The following USP25 variants were observed in gnomAD, a reference collection of about 807,000 sequenced individuals.
USP25 encodes ubiquitin specific peptidase 25, also known as ubiquitin carboxyl-terminal hydrolase 25.
Under a neutral mutation model 158.5 loss-of-function variants are expected in USP25, and 85 were observed. The observed-to-expected ratio is 0.54, with a 90% CI of 0.45 to 0.64. The LOEUF is 0.64. Among genes scored for constraint, USP25 ranks in the 30% least tolerant of loss-of-function variants. The probability of loss-of-function intolerance (pLI) is 0.00; values close to 1 mark genes in which losing one functional copy is unlikely to be tolerated. For missense variants in USP25, 1,242 were observed against 1,327.3 expected (o/e 0.94, Z 1.00); for synonymous variants, 464 against 460.4 (o/e 1.01, Z -0.10).
Position 15,730,363 on chromosome 21 carries a change from C to T in USP25, c.-31C>T. The T allele has an allele frequency of 2.4e-6, 2 of 846,382 alleles. No homozygotes were observed. Among genetic ancestry groups the T allele is most frequent in the Non-Finnish European group, 2.8e-6 (2 of 718,240 alleles). 52.4% of individuals were successfully genotyped at this position (846,382 alleles called of 1,614,324 possible). A position where few individuals can be genotyped will look rare whatever the true frequency, so the allele number is the denominator to read the frequency against. ...GGAGGCGCGAGGAGCCGGGCGCCAC[C>T]GCCGCCGCCGCCGCCGCCGCCGCGG... On this transcript the variant is annotated 5_prime_UTR_variant, in exon 1 of 26. Coordinates refer to ENST00000400183, the MANE Select transcript of USP25 (RefSeq NM_001283041.3).
At chr21:15,752,952 C>T (rs1299438453) in intron 1 of USP25, among the ~76,000 whole-genome samples, 1 of 152,178 alleles carries the variant, frequency 6.6e-6, no homozygotes, top group Non-Finnish European at 1.5e-5. Context: ...AACTTGAAAA[C>T]CAGGATTAGT....
chr21:15,734,575 T>C (rs890510210), intron 1 of USP25, among the ~76,000 whole-genome samples: 20 of 152,164 alleles, frequency 1.3e-4, no homozygotes, highest in African/African-American at 4.8e-4. Context: ...CTAATAAATA[T>C]TCTGTTGATT....
chr21:15,824,062 T>C lies in USP25; in HGVS notation c.1104T>C (p.Pro368=). ...GQEHWFTELP[P]VLTFELSRFE... is the part of the protein sequence containing the mutation. ...AGCATTGGTTTACTGAATTACCACC[T>C]GTGTTAACATTTGAATTGTCAAGAT... The change falls in exon 11 of 26, where the codon CCT becomes CCC. Residue 368 remains proline, a synonymous_variant. Transcript: ENST00000400183. The C allele has an allele frequency of 6.2e-7, 1 of 1,613,360 alleles. No individual in the cohort carries two copies. The highest frequency in any genetic ancestry group is 8.5e-7 in the Non-Finnish European group (1 of 1,179,630).
At chr21:15,851,873 A>G (rs1601128904) in intron 20 of USP25, among the ~76,000 whole-genome samples, 2 of 152,014 alleles carry the variant, frequency 1.3e-5, no homozygotes, top group East Asian at 3.9e-4. Flanking sequence ...TTTCACCATC[A>G]TTCTGGGGAT....
At chr21:15,845,502 T>G (rs933907849) in intron 18 of USP25, among the ~76,000 whole-genome samples, 1 of 152,152 alleles carries the variant, frequency 6.6e-6, no homozygotes, top group African/African-American at 2.4e-5. Context: ...TCTTCCCCCT[T>G]TCAGCTTTTA....
intron 8 of USP25, 86 bp downstream of exon 8, chr21:15,808,971 A>G (rs543097658): frequency 2.0e-6 from 2 of 985,516 alleles, no homozygotes; most frequent in African/African-American, 1.6e-5. Context: ...TAAGAAATCA[A>G]GACAGACTTA....
intron 20 of USP25, among the ~76,000 whole-genome samples, chr21:15,856,858 G>A (rs2039174651): frequency 6.6e-6 from 1 of 152,118 alleles, no homozygotes; most frequent in South Asian, 2.1e-4. Context: ...ATTTATCTCA[G>A]TATTTTTCCT....
intron 1 of USP25, among the ~76,000 whole-genome samples, chr21:15,732,678 T>G (rs907367477): frequency 6.6e-6 from 1 of 152,236 alleles, no homozygotes; most frequent in African/African-American, 2.4e-5. Context: ...TATTTAAAAT[T>G]TAAGTATTTA....
intron 10 of USP25, among the ~76,000 whole-genome samples, chr21:15,819,882 C>G (rs2037143746): frequency 6.6e-6 from 1 of 151,680 alleles, no homozygotes; most frequent in Non-Finnish European, 1.5e-5. Context: ...CATAAACAAA[C>G]AAAAATATGC....
intron 8 of USP25, among the ~76,000 whole-genome samples, chr21:15,809,731 C>G (rs563402716): frequency 6.6e-6 from 1 of 151,940 alleles, no homozygotes; most frequent in Admixed American, 6.6e-5. Context: ...TCACAATAGC[C>G]GAAAGGTGGA....
chr21:15,753,967 T>G (rs990247773), intron 1 of USP25, among the ~76,000 whole-genome samples: 1 of 152,072 alleles, frequency 6.6e-6, no homozygotes, highest in Admixed American at 6.5e-5. Flanking sequence ...AAATGTATGG[T>G]GAATAAAGGG....
intron 10 of USP25, 128 bp downstream of exon 10, chr21:15,818,974 A>T: frequency 8.6e-7 from 1 of 1,160,322 alleles, no homozygotes; most frequent in Non-Finnish European, 1.2e-6. Flanking sequence ...GTATGTTTGG[A>T]TTTAATTGGT....
intron 1 of USP25, among the ~76,000 whole-genome samples, chr21:15,735,982 A>ATGTG (rs901227357): frequency 4.2e-5 from 5 of 119,856 alleles, no homozygotes; most frequent in East Asian, 2.3e-4. Context: ...GTGTGTGTGT[A>ATGTG]TGTGTGTGTG....
intron 11 of USP25, among the ~76,000 whole-genome samples, chr21:15,824,372 AAG>A (rs1239114487): frequency 1.3e-5 from 2 of 152,358 alleles, no homozygotes; most frequent in African/African-American, 4.8e-5. Flanking sequence ...AAATTTAAAA[AAG>A]ATGAATTTTG....
intron 22 of USP25, among the ~76,000 whole-genome samples, chr21:15,867,610 T>A (rs1265333459): frequency 1.3e-5 from 2 of 152,180 alleles, no homozygotes; most frequent in African/African-American, 2.4e-5. Flanking sequence ...TAGTTTTTTT[T>A]ACCTTGAAAT....
chr21:15,872,014 G>GTTTTTTTTTTT (rs1158862222), intron 23 of USP25, among the ~76,000 whole-genome samples: 1 of 71,644 alleles, frequency 1.4e-5, no homozygotes, highest in African/African-American at 5.2e-5. Context: ...AAGAAATACT[G>GTTTTTTTTTTT]TTTTTTTTTT....
intron 19 of USP25, 23 bp downstream of exon 19, chr21:15,847,799 C>T (rs1475079818): frequency 6.9e-6 from 10 of 1,453,038 alleles, no homozygotes; most frequent in Non-Finnish European, 9.4e-6. Context: ...GCCCTCTGCA[C>T]CATTGCTACT....
rs2040196725 is a variant in USP25 at position 15,878,817 on chromosome 21, C to G, written c.*342C>G. The G allele has an allele frequency of 5.0e-6, 1 of 200,884 alleles. No individual in the cohort carries two copies. The highest frequency in any genetic ancestry group is 1.0e-5 in the Non-Finnish European group (1 of 98,714). The allele number at this position is 200,884 out of a possible 1,614,324, so 12.4% of individuals were successfully genotyped here. A position where few individuals can be genotyped will look rare whatever the true frequency, so the allele number is the denominator to read the frequency against. On this transcript the variant is annotated 3_prime_UTR_variant, in exon 26 of 26. Transcript: ENST00000400183. ...CCATTCAGTCTGGATCCTTCCATGACTACAGCCATTTAAGTGTTCAGCACT... is the reference window on the plus strand; with the variant it reads ...CCATTCAGTCTGGATCCTTCCATGAGTACAGCCATTTAAGTGTTCAGCACT...
intron 20 of USP25, among the ~76,000 whole-genome samples, chr21:15,862,427 G>C (rs1568904817): frequency 6.6e-6 from 1 of 152,042 alleles, no homozygotes; most frequent in Non-Finnish European, 1.5e-5. Flanking sequence ...AGGTATTTCA[G>C]ATTAGGGATA....
Sources: allele counts gnomAD v4.1 joint callset (sites outside exome capture counted in the v4.1 genomes callset), GRCh38; gene constraint gnomAD v4.1.1; transcripts MANE v1.5; gene names NCBI Gene and HGNC (gene_info 2026-07-23, HGNC 2026-07-21).